Variants in ALDH1L1 observed in about 807,000 individuals in gnomAD.
The protein encoded by ALDH1L1 is cytosolic 10-formyltetrahydrofolate dehydrogenase.
Under a neutral mutation model 101.1 loss-of-function variants are expected in ALDH1L1, and 68 were observed. The observed-to-expected ratio is 0.67, with a 90% CI of 0.55 to 0.82. ALDH1L1 has a LOEUF of 0.82. Ranked by LOEUF, ALDH1L1 falls within the 40% of genes least tolerant of loss-of-function variation. The pLI is 0.00. For missense variants in ALDH1L1, 1,087 were observed against 1,172.7 expected (o/e 0.93, Z 1.07); for synonymous variants, 486 against 470.8 (o/e 1.03, Z -0.42).
At chr3:126,194,568 A>G (rs996634125) in intron 1 of ALDH1L1, among the ~76,000 whole-genome samples, 5 of 152,166 alleles carry the variant, frequency 3.3e-5, no homozygotes, top group African/African-American at 1.2e-4. Flanking sequence ...CAAGAAAACC[A>G]TTTGTGCTTT....
rs1441505919 is a variant in ALDH1L1 at position 126,131,393 on chromosome 3, G to A, written c.1614C>T (p.Asp538=). The change falls in exon 13 of 23, where the codon GAC becomes GAT. Residue 538 remains aspartate, a synonymous_variant. Transcript: ENST00000393434. The stretch of plus-strand genomic sequence containing the variant: ...GGAGCCTGGGCCCCACCTGGATCTT[G>A]TCACACCAGCCAGCAAAGTAGCGGA... ...QTFRYFAGWC[D]KIQGSTIPIN... 2.2e-5 allele frequency: 36 copies of A among 1,603,208 alleles called. No homozygotes were observed. The highest frequency in any genetic ancestry group is 3.0e-5 in the Non-Finnish European group (35 of 1,171,332).
chr3:126,124,415 T>G lies in ALDH1L1; in HGVS notation c.1837A>C (p.Thr613Pro). Reference protein sequence around the residue: ...PLTALKFAELTLKAGIPKGVV... With the variant: ...PLTALKFAELPLKAGIPKGVV... ...CCTTTGGGAATGCCGGCCTTTAATG[T>G]CAGCTCTGCAAACTTCAAGGCTGTG... is the stretch of plus-strand genomic sequence containing the variant. Residue 613 changes from threonine (T) to proline (P), a missense_variant, in exon 16 of 23, where the codon ACA (threonine) becomes CCA (proline). Thr to Pro is a conservative substitution (Grantham distance 38). Coordinates refer to ENST00000393434, the MANE Select transcript of ALDH1L1 (RefSeq NM_012190.4). 1 of 1,612,542 alleles carries G rather than the reference T, an allele frequency of 6.2e-7. No homozygotes were observed. Among genetic ancestry groups the G allele is most frequent in the Non-Finnish European group, 8.5e-7 (1 of 1,179,358 alleles).
Position 126,112,820 on chromosome 3 carries a change from C to T in ALDH1L1, c.2143G>A (p.Val715Met). 1 of 1,613,726 alleles carries T rather than the reference C, an allele frequency of 6.2e-7. No individual in the cohort carries two copies. Among genetic ancestry groups the T allele is most frequent in the Middle Eastern group, 1.6e-4 (1 of 6,062 alleles). ...AACTCATCATGAATGGAGTCCTCCACAAAGAGTCGGCCTGCTGCAATGCAA... is the reference window on the plus strand; with the variant it reads ...AACTCATCATGAATGGAGTCCTCCATAAAGAGTCGGCCTGCTGCAATGCAA... Reference protein sequence around the residue: ...ENCIAAGRLFVEDSIHDEFVR... With the variant: ...ENCIAAGRLFMEDSIHDEFVR... Residue 715 changes from valine (V) to methionine (M), a missense_variant, in exon 19 of 23, where the codon GTG becomes ATG. By Grantham distance (21) the Val-to-Met change is conservative (BLOSUM62 1). Around this residue, in one of 2 missense-constraint regions of ALDH1L1, gnomAD observed 442 missense variants for 535.7 expected, o/e 0.83. Transcript: ENST00000393434.
At chr3:126,113,675 T>A (rs574853066) in intron 18 of ALDH1L1, among the ~76,000 whole-genome samples, 1 of 152,338 alleles carries the variant, frequency 6.6e-6, no homozygotes, top group East Asian at 1.9e-4. Context: ...GGACTCCCTT[T>A]CACACCCAAG....
At chr3:126,122,297 G>A (rs943702861) in intron 16 of ALDH1L1, among the ~76,000 whole-genome samples, 1 of 152,116 alleles carries the variant, frequency 6.6e-6, no homozygotes, top group South Asian at 2.1e-4. Flanking sequence ...CAGTATCAAT[G>A]CATATTTTAT....
At chr3:126,118,157 G>A (rs2080012925) in intron 16 of ALDH1L1, 59 bp from the exon 17 acceptor site, 2 of 1,413,032 alleles carry the variant, frequency 1.4e-6, no homozygotes, top group Non-Finnish European at 2.0e-6. Context: ...GGAGGCAGGA[G>A]CCCACCTCCA....
intron 12 of ALDH1L1, 94 bp from the exon 13 acceptor site, chr3:126,131,628 C>T (rs1365471654): frequency 2.9e-6 from 4 of 1,389,170 alleles, no homozygotes; most frequent in Non-Finnish European, 3.9e-6. Context: ...TGGGGTCCTG[C>T]CCTCTACCCC....
chr3:126,189,485 T>G (rs1382980252), intron 1 of ALDH1L1, among the ~76,000 whole-genome samples: 1 of 152,182 alleles, frequency 6.6e-6, no homozygotes, highest in Non-Finnish European at 1.5e-5. Flanking sequence ...CTGTGAGTTG[T>G]GAACCCAGCC....
intron 21 of ALDH1L1, among the ~76,000 whole-genome samples, chr3:126,106,228 C>T (rs1945865314): frequency 6.6e-6 from 1 of 152,222 alleles, no homozygotes; most frequent in Non-Finnish European, 1.5e-5. Context: ...GAAGGACCCA[C>T]ATGTGCCCGC....
chr3:126,107,396 C>T lies in ALDH1L1; in HGVS notation c.2348-150G>A, dbSNP rs991596857. 162 of 645,460 alleles carry T rather than the reference C, an allele frequency of 2.5e-4. No homozygotes were observed. In the East Asian group the frequency reaches 3.5e-3, roughly 14 times the overall value. The allele number at this position is 645,460 out of a possible 1,614,324, so 40.0% of individuals were successfully genotyped here. On this transcript the variant is annotated intron_variant, in intron 20 of 22. Coordinates refer to ENST00000393434, the MANE Select transcript of ALDH1L1 (RefSeq NM_012190.4). ...GGCACCCGTGTGATGGGTGTCACCA[C>T]GCTGCAGATGGCTCTCCCACCTGGC...
intron 16 of ALDH1L1, among the ~76,000 whole-genome samples, chr3:126,118,894 C>T (rs1868132): frequency 0.11 from 16,061 of 152,068 alleles, 983 homozygotes; most frequent in Non-Finnish European, 0.12. Flanking sequence ...ACGCCCTGCA[C>T]AAACCCTGTC....
intron 20 of ALDH1L1, 124 bp downstream of exon 20, chr3:126,109,820 G>T: frequency 7.2e-7 from 1 of 1,380,638 alleles, no homozygotes; most frequent in Non-Finnish European, 9.8e-7. Flanking sequence ...CCCAGATGGG[G>T]CTGCAGCCTG....
intron 20 of ALDH1L1, 93 bp from the exon 21 acceptor site, chr3:126,107,339 CTGCGGATGA>C: frequency 1.0e-6 from 1 of 1,002,120 alleles, no homozygotes. Context: ...CACCAGCCAC[CTGCGGATGA>C]CCCGACATAA....
intron 1 of ALDH1L1, among the ~76,000 whole-genome samples, chr3:126,175,117 C>T (rs2081347122): frequency 6.6e-6 from 1 of 152,114 alleles, no homozygotes; most frequent in Admixed American, 6.5e-5. Flanking sequence ...GTATGAACAA[C>T]TCTATATCAA....
rs1945752738 is a variant in ALDH1L1 at position 126,103,589 on chromosome 3, T to G, written c.*202A>C. 3.3e-6 allele frequency: 2 copies of G among 602,786 alleles called. No homozygotes were observed. The highest frequency in any genetic ancestry group is 4.4e-4 in the Middle Eastern group (1 of 2,282). 37.3% of individuals were successfully genotyped at this position (602,786 alleles called of 1,614,324 possible). A position where few individuals can be genotyped will look rare whatever the true frequency, so the allele number is the denominator to read the frequency against. On this transcript the variant is annotated 3_prime_UTR_variant, in exon 23 of 23. Transcript: ENST00000393434. ...GGACGGTCTCTCTTCAGAAGCTTTATTCTCCCTGGGAGGGGCACACCTCAC... is the reference window on the plus strand; with the variant it reads ...GGACGGTCTCTCTTCAGAAGCTTTAGTCTCCCTGGGAGGGGCACACCTCAC...
chr3:126,132,339 AC>A (rs2080330053), intron 12 of ALDH1L1, among the ~76,000 whole-genome samples: 1 of 152,142 alleles, frequency 6.6e-6, no homozygotes, highest in Non-Finnish European at 1.5e-5. Context: ...CATGAAGCCC[AC>A]ACGCACCCCA....
rs996973360 is a variant in ALDH1L1, at chr3:126,131,540, C to G, written c.1473-6G>C. 6.2e-7 allele frequency: 1 copy of G among 1,600,502 alleles called. No homozygotes were observed. Among genetic ancestry groups the G allele is most frequent in the Admixed American group, 1.7e-5 (1 of 59,724 alleles). On this transcript the variant is annotated splice_region_variant and splice_polypyrimidine_tract_variant and intron_variant, in intron 12 of 22. Coordinates refer to ENST00000393434, the MANE Select transcript of ALDH1L1 (RefSeq NM_012190.4). ...GCTCCATGAGATCTGCCAACCTGAC[C>G]AGGGTGAGGGGAAGCGGGAGGTGGG...
intron 1 of ALDH1L1, among the ~76,000 whole-genome samples, chr3:126,168,094 A>G (rs1018338555): frequency 6.6e-6 from 1 of 152,164 alleles, no homozygotes; most frequent in Non-Finnish European, 1.5e-5. Context: ...TTTGCTGAAG[A>G]ATAATAAATT....
upstream of ALDH1L1, among the ~76,000 whole-genome samples, chr3:126,181,692 T>C (rs1405963429): frequency 6.6e-6 from 1 of 152,262 alleles, no homozygotes; most frequent in Non-Finnish European, 1.5e-5. Flanking sequence ...CCCACTAGAC[T>C]GTAAGCTCTT....
Sources: allele counts gnomAD v4.1 joint callset (sites outside exome capture counted in the v4.1 genomes callset), GRCh38; gene constraint gnomAD v4.1.1; regional missense constraint gnomAD v4.1.1; transcripts MANE v1.5; gene names NCBI Gene and HGNC (gene_info 2026-07-23, HGNC 2026-07-21).